FAT3: variants seen among roughly 807,000 people sequenced by gnomAD.
FAT3 encodes the protein protocadherin Fat 3.
FAT3 carries 95 observed loss-of-function variants against 310.2 expected under a neutral mutation model. That is an observed-to-expected ratio of 0.31 (90% CI 0.26 to 0.36). The LOEUF (loss-of-function observed/expected upper bound fraction) is 0.36. Among genes scored for constraint, FAT3 ranks in the 10% least tolerant of loss-of-function variants. The pLI, the probability that FAT3 is intolerant of heterozygous loss-of-function variation, is 1.00. For synonymous variants in FAT3, 2,314 were observed against 2,192.9 expected, an observed-to-expected ratio of 1.06 and a Z score of -1.54; for missense variants, 5,408 against 5,715.6, an observed-to-expected ratio of 0.95 and a Z score of 1.74.
At chr11:92,431,406 T>C (rs1431954848) in intron 2 of FAT3, among the ~76,000 whole-genome samples, 1 of 152,230 alleles carries the variant, frequency 6.6e-6, no homozygotes, top group Non-Finnish European at 1.5e-5. Flanking sequence ...AGATTCTGGA[T>C]ATTAGCCCTT....
At chr11:92,283,307 G>C (rs780900319) in intron 1 of FAT3, among the ~76,000 whole-genome samples, 2 of 152,150 alleles carry the variant, frequency 1.3e-5, no homozygotes, top group Admixed American at 1.3e-4. Context: ...TTTACTTGAC[G>C]TGTAGGTTGG....
Position 92,844,356 on chromosome 11 carries a change from G to T in FAT3, c.10989G>T (p.Gly3663=), listed in dbSNP as rs770179864. Residue 3663 remains glycine, a synonymous_variant, in exon 19 of 28, where the codon GGG becomes GGT. Coordinates refer to ENST00000525166, the MANE Select transcript of FAT3 (RefSeq NM_001367949.2). ...FENVSPEDFV[G]LHMHGFRRTL... The stretch of plus-strand genomic sequence containing the variant: ...ATGTGTCCCCTGAGGACTTCGTGGG[G>T]CTGCACATGCATGGGTTCCGGCGCA... 6.2e-7 allele frequency: 1 copy of T among 1,613,914 alleles called. No homozygotes were observed. Among genetic ancestry groups the T allele is most frequent in the Non-Finnish European group, 8.5e-7 (1 of 1,179,904 alleles).
At chr11:92,774,225 C>A in intron 7 of FAT3, 45 bp downstream of exon 7, 3 of 1,548,544 alleles carry the variant, frequency 1.9e-6, no homozygotes, top group South Asian at 2.5e-5. Context: ...GAAAGAGCTG[C>A]CAAAGTCAGG....
intron 1 of FAT3, among the ~76,000 whole-genome samples, chr11:92,335,837 A>G (rs1480519820): frequency 6.6e-6 from 1 of 152,222 alleles, no homozygotes; most frequent in East Asian, 1.9e-4. Flanking sequence ...AGAAGGAGAT[A>G]TATTAGGACA....
intron 4 of FAT3, among the ~76,000 whole-genome samples, chr11:92,754,841 C>T (rs1945944972): frequency 6.6e-6 from 1 of 151,588 alleles, no homozygotes; most frequent in African/African-American, 2.4e-5. Flanking sequence ...GCATTCCAGC[C>T]TGGCAACAGA....
At chr11:92,269,095 C>T (rs1483724819) in intron 1 of FAT3, among the ~76,000 whole-genome samples, 5 of 152,058 alleles carry the variant, frequency 3.3e-5, no homozygotes, top group East Asian at 1.9e-4. Flanking sequence ...GGTCACAACA[C>T]TATTTATTGA....
At chr11:92,499,721 GTA>G (rs1253340966) in intron 2 of FAT3, among the ~76,000 whole-genome samples, 2 of 113,216 alleles carry the variant, frequency 1.8e-5, no homozygotes, top group African/African-American at 3.5e-5. Flanking sequence ...GTATGTGTGT[GTA>G]TGTGTGTGTG....
chr11:92,453,014 T>C (rs1015191094), intron 2 of FAT3, among the ~76,000 whole-genome samples: 1 of 152,092 alleles, frequency 6.6e-6, no homozygotes, highest in African/African-American at 2.4e-5. Flanking sequence ...GCTCAAGCAA[T>C]TGGCCCACTA....
intron 3 of FAT3, among the ~76,000 whole-genome samples, chr11:92,610,797 C>A (rs1940527230): frequency 6.6e-6 from 1 of 152,200 alleles, no homozygotes; most frequent in South Asian, 2.1e-4. Flanking sequence ...GTTCATCCTG[C>A]TCACTTACAG....
chr11:92,226,510 G>T (rs1301282701), intron 1 of FAT3, among the ~76,000 whole-genome samples: 1 of 151,986 alleles, frequency 6.6e-6, no homozygotes, highest in Non-Finnish European at 1.5e-5. Context: ...GAACAGGGGT[G>T]CTCCCGGGGT....
intron 2 of FAT3, among the ~76,000 whole-genome samples, chr11:92,420,354 C>A (rs1259545571): frequency 2.0e-5 from 3 of 152,184 alleles, no homozygotes; most frequent in Non-Finnish European, 4.4e-5. Context: ...AAAGTGGCCA[C>A]ACTTTTATAG....
chr11:92,832,175 TA>T (rs1204010981), intron 14 of FAT3, among the ~76,000 whole-genome samples, 164 bp downstream of exon 14: 2 of 151,842 alleles, frequency 1.3e-5, no homozygotes, highest in Non-Finnish European at 2.9e-5. Flanking sequence ...TACAAAAATT[TA>T]AAAAAATATA....
Position 92,894,896 on chromosome 11 carries a change from C to T in FAT3, c.*3783C>T, listed in dbSNP as rs1261505039. 6.6e-6 allele frequency: 1 copy of T among 152,214 alleles called. No homozygotes were observed. The highest frequency in any genetic ancestry group is 1.5e-5 in the Non-Finnish European group (1 of 68,038). The allele number at this position is 152,214 out of a possible 1,614,324, so 9.4% of individuals were successfully genotyped here. ...CATTCTGGAAAAAAAGCAAGTTGAACATATCTACCATCAGTCCTCTCCTAC... is the reference window on the plus strand; with the variant it reads ...CATTCTGGAAAAAAAGCAAGTTGAATATATCTACCATCAGTCCTCTCCTAC... On this transcript the variant is annotated 3_prime_UTR_variant, in exon 28 of 28. Coordinates refer to ENST00000525166, the MANE Select transcript of FAT3 (RefSeq NM_001367949.2).
intron 6 of FAT3, among the ~76,000 whole-genome samples, chr11:92,773,319 G>C (rs1232041842): frequency 2.6e-5 from 4 of 152,168 alleles, no homozygotes; most frequent in Admixed American, 2.0e-4. Flanking sequence ...AAACTTCCAT[G>C]TAAATTGTTT....
chr11:92,319,478 A>T (rs1449850905), intron 1 of FAT3, among the ~76,000 whole-genome samples: 3 of 152,232 alleles, frequency 2.0e-5, no homozygotes, highest in Non-Finnish European at 4.4e-5. Context: ...CTCATGTTTT[A>T]AAAAGTCATT....
At chr11:92,580,016 G>T (rs1274062119) in intron 3 of FAT3, among the ~76,000 whole-genome samples, 3 of 152,022 alleles carry the variant, frequency 2.0e-5, no homozygotes, top group Non-Finnish European at 4.4e-5. Context: ...GTTATTCAGG[G>T]TACATTATAT....
intron 3 of FAT3, among the ~76,000 whole-genome samples, chr11:92,560,302 T>G: frequency 6.6e-6 from 1 of 152,216 alleles, no homozygotes; most frequent in East Asian, 1.9e-4. Context: ...TTTCTTCTTA[T>G]TAGTGAGTTG....
chr11:92,647,163 C>A (rs1358799883), intron 3 of FAT3, among the ~76,000 whole-genome samples: 1 of 152,038 alleles, frequency 6.6e-6, no homozygotes, highest in Non-Finnish European at 1.5e-5. Context: ...AATTATCTTT[C>A]GTTTTGCTCT....
chr11:92,288,546 C>A (rs1432671493), intron 1 of FAT3, among the ~76,000 whole-genome samples: 1 of 152,090 alleles, frequency 6.6e-6, no homozygotes, highest in African/African-American at 2.4e-5. Flanking sequence ...TGCCTTTCCT[C>A]ATCTTAAATC....
Sources: allele counts gnomAD v4.1 joint callset (sites outside exome capture counted in the v4.1 genomes callset), GRCh38; gene constraint gnomAD v4.1.1; transcripts MANE v1.5; gene names NCBI Gene and HGNC (gene_info 2026-07-23, HGNC 2026-07-21).